Variants in MIGA1 observed in about 807,000 individuals in gnomAD.
MIGA1 encodes the protein family with sequence similarity 73, member A.
In MIGA1, 58 loss-of-function variants were observed where a neutral mutation model predicts 82.0. The ratio of observed to expected loss-of-function variants is 0.71; its 90% CI spans 0.57 to 0.88. MIGA1 has a LOEUF of 0.88. Ranked by LOEUF, MIGA1 falls within the 40% of genes least tolerant of loss-of-function variation. The pLI is 0.00. For synonymous variants in MIGA1, 249 were observed against 253.6 expected (o/e 0.98, Z 0.17); for missense variants, 751 against 749.1 (o/e 1.00, Z -0.03).
Position 77,788,047 on chromosome 1 carries a change from C to T in MIGA1, c.195+4696C>T, listed in dbSNP as rs532127602. ...CTTCACCCAGGTTAGAGTGCAATGG[C>T]GCAATCTCGGCTCACTGCAACCTCC... On this transcript the variant is annotated intron_variant, in intron 2 of 15. Transcript: ENST00000370791. Among the ~76,000 whole-genome samples the T allele has an allele frequency of 4.3e-4, 65 of 151,462 alleles. 3 individuals carry two copies. The highest frequency in any genetic ancestry group is 1.5e-3 in the African/African-American group (62 of 41,266).
In MIGA1 at chr1:77,796,191, TCA is replaced by T. The variant is rs1682646632; in HGVS notation, c.196-5138_196-5137del. Among the ~76,000 whole-genome samples, 2 of 151,488 alleles carry T rather than the reference TCA, an allele frequency of 1.3e-5. 1 individual carries two copies. Among genetic ancestry groups the T allele is most frequent in the South Asian group, 4.2e-4 (2 of 4,788 alleles). On this transcript the variant is annotated intron_variant, in intron 2 of 15. Transcript: ENST00000370791. The stretch of plus-strand genomic sequence containing the variant: ...TGGAGCACAGTGGCATGATCTCGGC[TCA>T]CTGCAAGCTCTGCCTCCTGGGTTCA...
chr1:77,809,652 G>A (rs374672402), intron 5 of MIGA1, among the ~76,000 whole-genome samples: 1 of 152,044 alleles, frequency 6.6e-6, no homozygotes, highest in South Asian at 2.1e-4. Flanking sequence ...AATAATAAGT[G>A]TATAGAAGGG....
intron 7 of MIGA1, among the ~76,000 whole-genome samples, chr1:77,834,614 A>G (rs1684359398): frequency 6.6e-6 from 1 of 152,208 alleles, no homozygotes; most frequent in Non-Finnish European, 1.5e-5. Flanking sequence ...TCTGATTTTT[A>G]TATTCAACTT....
At chr1:77,840,806 G>T (rs1204566683) in intron 7 of MIGA1, among the ~76,000 whole-genome samples, 2 of 151,824 alleles carry the variant, frequency 1.3e-5, no homozygotes, top group Non-Finnish European at 2.9e-5. Context: ...GCAAAATTCT[G>T]TCTCAAAATA....
Position 77,878,095 on chromosome 1 carries a change from T to C in MIGA1, c.*3031T>C, listed in dbSNP as rs1646907588. 1 of 152,134 alleles carries C rather than the reference T, an allele frequency of 6.6e-6. No homozygotes were observed. The highest frequency in any genetic ancestry group is 1.5e-5 in the Non-Finnish European group (1 of 68,036). The allele number at this position is 152,134 out of a possible 1,614,324, so 9.4% of individuals were successfully genotyped here. A position where few individuals can be genotyped will look rare whatever the true frequency, so the allele number is the denominator to read the frequency against. ...TTTCTGACTGCATGCAGAAGGGTAC[T>C]TAAGACATATATAACAGGCCAGGAG... is the stretch of plus-strand genomic sequence containing the variant. On this transcript the variant is annotated 3_prime_UTR_variant, in exon 16 of 16. Transcript: ENST00000370791.
intron 7 of MIGA1, among the ~76,000 whole-genome samples, chr1:77,826,532 A>G (rs974397678): frequency 3.3e-5 from 5 of 152,122 alleles, no homozygotes; most frequent in African/African-American, 1.2e-4. Context: ...CTAGAATTCA[A>G]TGGTGCGATC....
intron 5 of MIGA1, among the ~76,000 whole-genome samples, chr1:77,809,143 C>T (rs762465628): frequency 5.3e-5 from 8 of 152,020 alleles, no homozygotes; most frequent in Non-Finnish European, 7.4e-5. Context: ...ACAAAAACCT[C>T]AGAATATTAA....
chr1:77,873,430 C>T (rs1274855639), intron 15 of MIGA1, among the ~76,000 whole-genome samples: 1 of 152,172 alleles, frequency 6.6e-6, no homozygotes, highest in African/African-American at 2.4e-5. Flanking sequence ...TGCCATGTGA[C>T]AGTCAAATCA....
At chr1:77,850,351 G>A (rs1685000737) in intron 8 of MIGA1, among the ~76,000 whole-genome samples, 1 of 152,188 alleles carries the variant, frequency 6.6e-6, no homozygotes, top group African/African-American at 2.4e-5. Flanking sequence ...GTTGGGATGT[G>A]AGTAACCAGG....
rs1374993738 is a variant in MIGA1, at chr1:77,807,082, A to G, written c.618A>G (p.Pro206=). 2 of 1,592,034 alleles carry G rather than the reference A, an allele frequency of 1.3e-6. No homozygotes were observed. Among genetic ancestry groups the G allele is most frequent in the East Asian group, 4.5e-5 (2 of 44,758 alleles). Residue 206 remains proline, a synonymous_variant, in exon 5 of 16, where the codon CCA becomes CCG. Transcript: ENST00000370791. ...TTGTTAATATTCCTGTGACTACTCC[A>G]GAGAACTTATACTTAATGGGTAGGA...
intron 7 of MIGA1, among the ~76,000 whole-genome samples, chr1:77,836,583 A>G (rs1316396792): frequency 6.6e-6 from 1 of 152,216 alleles, no homozygotes; most frequent in African/African-American, 2.4e-5. Flanking sequence ...CTCACGATGG[A>G]CCAAGTACTG....
chr1:77,824,982 T>TA (rs1683973147), intron 7 of MIGA1, among the ~76,000 whole-genome samples: 1 of 119,554 alleles, frequency 8.4e-6, no homozygotes, highest in South Asian at 2.9e-4. Context: ...GTTCTATTCC[T>TA]CTTTTTTTTT....
intron 1 of MIGA1, chr1:77,780,092 G>C (rs972573330): frequency 8.8e-6 from 9 of 1,021,926 alleles, no homozygotes; most frequent in African/African-American, 5.1e-5. Context: ...GGCCGAGCTG[G>C]AGGGACCCCC....
At chr1:77,792,830 C>T (rs901749380) in intron 2 of MIGA1, among the ~76,000 whole-genome samples, 2 of 150,474 alleles carry the variant, frequency 1.3e-5, no homozygotes, top group Admixed American at 1.3e-4. Context: ...CCCTTGTAGC[C>T]CAGGCTGGAG....
At chr1:77,793,075 G>A (rs1408734828) in intron 2 of MIGA1, among the ~76,000 whole-genome samples, 1 of 151,958 alleles carries the variant, frequency 6.6e-6, no homozygotes, top group Non-Finnish European at 1.5e-5. Flanking sequence ...ACAGGCATGA[G>A]CCACAGCACC....
At chr1:77,835,289 A>G (rs184880376) in intron 7 of MIGA1, among the ~76,000 whole-genome samples, 1 of 152,326 alleles carries the variant, frequency 6.6e-6, no homozygotes, top group African/African-American at 2.4e-5. Context: ...GGCCTAGAAT[A>G]TGTGACAATT....
rs1175994012 is a variant in MIGA1, at chr1:77,780,797, CAATGAAT to C, written c.81+1067_81+1073del. ...TTTTGTTTTTTTTTCTTTAGTTTTTCAATGAATAATGATTAGGTTTGGAATCAACTTC... is the reference window on the plus strand; with the variant it reads ...TTTTGTTTTTTTTTCTTTAGTTTTTCAATGATTAGGTTTGGAATCAACTTC... On this transcript the variant is annotated intron_variant, in intron 1 of 15. Coordinates refer to ENST00000370791, the MANE Select transcript of MIGA1 (RefSeq NM_198549.4). 2.0e-5 allele frequency among the ~76,000 whole-genome samples: 3 copies of C among 149,570 alleles called. No individual in the cohort carries two copies. In the South Asian group the frequency reaches 6.4e-4, roughly 32 times the overall value.
intron 7 of MIGA1, among the ~76,000 whole-genome samples, chr1:77,841,807 CTT>C (rs879895524): frequency 1.4e-5 from 2 of 142,780 alleles, no homozygotes; most frequent in Admixed American, 7.0e-5. Context: ...TTTTTTCTTT[CTT>C]TTTTTTTTTG....
Position 77,844,183 on chromosome 1 carries a change from T to C in MIGA1, c.996+776T>C, listed in dbSNP as rs529562620. On this transcript the variant is annotated intron_variant, in intron 8 of 15. Coordinates refer to ENST00000370791, the MANE Select transcript of MIGA1 (RefSeq NM_198549.4). ...AGATAGATATAGATATATATGTATA[T>C]ACACACACACATACACACATTCACT... 4.7e-5 allele frequency among the ~76,000 whole-genome samples: 7 copies of C among 147,590 alleles called. No individual in the cohort carries two copies. In the East Asian group the frequency reaches 5.9e-4, roughly 12 times the overall value.
Sources: allele counts gnomAD v4.1 joint callset (sites outside exome capture counted in the v4.1 genomes callset), GRCh38; gene constraint gnomAD v4.1.1; transcripts MANE v1.5; gene names NCBI Gene and HGNC (gene_info 2026-07-23, HGNC 2026-07-21).